The following SOX6 variants were observed in gnomAD, a reference collection of about 807,000 sequenced individuals.
SOX6 encodes SRY-box transcription factor 6, also known as transcription factor SOX-6.
Under a neutral mutation model 97.8 loss-of-function variants are expected in SOX6, and 11 were observed. That is an observed-to-expected ratio of 0.11 (90% CI 0.07 to 0.19). The LOEUF is 0.19. SOX6 is among the 10% of genes least tolerant of loss of function. SOX6 has a pLI of 1.00. For synonymous variants in SOX6, 360 were observed against 371.4 expected (o/e 0.97, Z 0.35); for missense variants, 810 against 1,039.5 (o/e 0.78, Z 3.04).
intron 3 of SOX6, among the ~76,000 whole-genome samples, chr11:16,614,753 C>T (rs1435904882): frequency 6.6e-6 from 1 of 152,136 alleles, no homozygotes; most frequent in Non-Finnish European, 1.5e-5. Flanking sequence ...GAACTGTGCC[C>T]CATGGGTTCC....
At chr11:16,663,666 A>G (rs1323436378) in intron 3 of SOX6, among the ~76,000 whole-genome samples, 1 of 152,224 alleles carries the variant, frequency 6.6e-6, no homozygotes, top group Non-Finnish European at 1.5e-5. Context: ...TAAAAAGTGA[A>G]TTTAGCAAGA....
intron 3 of SOX6, among the ~76,000 whole-genome samples, chr11:16,659,725 C>A (rs963965043): frequency 1.3e-5 from 2 of 152,104 alleles, no homozygotes; most frequent in Middle Eastern, 3.4e-3. Flanking sequence ...TTTCTTTTTT[C>A]ACTGGTAGAA....
At chr11:16,263,798 G>A (rs1296164941) in intron 3 of SOX6, among the ~76,000 whole-genome samples, 1 of 151,758 alleles carries the variant, frequency 6.6e-6, no homozygotes, top group Admixed American at 6.6e-5. Flanking sequence ...ATAGTACAGA[G>A]ATTTCTTACA....
chr11:16,383,704 T>C (rs868163551), intron 1 of SOX6, among the ~76,000 whole-genome samples: 1 of 151,950 alleles, frequency 6.6e-6, no homozygotes, highest in Non-Finnish European at 1.5e-5. Flanking sequence ...TGGCATCACA[T>C]GTAAAAGCAC....
At chr11:16,111,304 G>A (rs1352845925) in intron 7 of SOX6, among the ~76,000 whole-genome samples, 4 of 152,214 alleles carry the variant, frequency 2.6e-5, no homozygotes, top group Middle Eastern at 3.4e-3. Context: ...GAATTAAAAA[G>A]TACTGAATAC....
chr11:16,268,519 G>T (rs1338319516), intron 3 of SOX6, among the ~76,000 whole-genome samples: 1 of 151,040 alleles, frequency 6.6e-6, no homozygotes, highest in Non-Finnish European at 1.5e-5. Flanking sequence ...AGAGAAGACG[G>T]TCATTCTAAT....
intron 1 of SOX6, among the ~76,000 whole-genome samples, chr11:16,455,325 G>A (rs1042154380): frequency 4.0e-5 from 6 of 151,770 alleles, no homozygotes; most frequent in Admixed American, 2.0e-4. Context: ...CTTGTAGTTC[G>A]ACTTGAATAA....
At chr11:16,512,184 A>C (rs926203545) in intron 4 of SOX6, among the ~76,000 whole-genome samples, 1 of 152,188 alleles carries the variant, frequency 6.6e-6, no homozygotes, top group Non-Finnish European at 1.5e-5. Flanking sequence ...ACTAAGGGCT[A>C]TATGTCCCAA....
chr11:16,613,362 C>T lies in SOX6; in HGVS notation n.430-1102G>A, dbSNP rs958815501. On this transcript the variant is annotated intron_variant and non_coding_transcript_variant, in intron 3 of 5. Transcript: ENST00000524520. This position sits in a 1 kb window ranked among gnomAD's most constrained non-coding sequence, Gnocchi z 4.6. ...GGGGGCTTTATTTTTCAGGTCTCTC[C>T]ACTCATAAATTATGGGTGTCACTAA... 6.6e-6 allele frequency: 1 copy of T among 152,228 alleles called. No individual in the cohort carries two copies. Among genetic ancestry groups the T allele is most frequent in the African/African-American group, 2.4e-5 (1 of 41,434 alleles). The allele number at this position is 152,228 out of a possible 1,614,324, so 9.4% of individuals were successfully genotyped here.
intron 5 of SOX6, among the ~76,000 whole-genome samples, chr11:16,185,337 A>G (rs116980447): frequency 2.0e-5 from 3 of 152,306 alleles, no homozygotes; most frequent in Non-Finnish European, 4.4e-5. Context: ...CTGCAGCTCT[A>G]GGTATAGATG....
intron 1 of SOX6, among the ~76,000 whole-genome samples, chr11:16,458,302 T>C (rs1859849943): frequency 6.6e-6 from 1 of 152,052 alleles, no homozygotes; most frequent in African/African-American, 2.4e-5. Context: ...CTCTAAGAGC[T>C]TACAATCTGC....
chr11:16,161,935 C>G (rs58545561), intron 6 of SOX6, among the ~76,000 whole-genome samples: 1,772 of 152,274 alleles, frequency 0.012, 29 homozygotes, highest in African/African-American at 0.04. Flanking sequence ...CTTCCTGGAA[C>G]TATGAAAATA....
chr11:16,630,508 G>A (rs1235997754), intron 3 of SOX6, among the ~76,000 whole-genome samples: 6 of 151,986 alleles, frequency 3.9e-5, no homozygotes, highest in Admixed American at 3.9e-4. Context: ...TTATGGTCAA[G>A]CATGTGGTTG....
chr11:16,191,164 T>C lies in SOX6; in HGVS notation c.536-4209A>G, dbSNP rs531814114. ...TTATGCATTAACTCTATATAGAAAATAGTATATTGGCCAGGCACAGAGGCT... is the reference window on the plus strand; with the variant it reads ...TTATGCATTAACTCTATATAGAAAACAGTATATTGGCCAGGCACAGAGGCT... On this transcript the variant is annotated intron_variant, in intron 4 of 15. Coordinates refer to ENST00000683767, the MANE Select transcript of SOX6 (RefSeq NM_001367873.1). Among the ~76,000 whole-genome samples the C allele has an allele frequency of 9.2e-5, 14 of 152,200 alleles. No individual in the cohort carries two copies. The East Asian group carries it at 2.1e-3, about 23-fold the overall frequency.
At chr11:16,059,955 G>A (rs896929266) in intron 9 of SOX6, among the ~76,000 whole-genome samples, 1 of 151,874 alleles carries the variant, frequency 6.6e-6, no homozygotes, top group African/African-American at 2.4e-5. Flanking sequence ...ATATAGTCCT[G>A]TAGCTGGTAT....
intron 6 of SOX6, among the ~76,000 whole-genome samples, chr11:16,175,535 A>G (rs185668340): frequency 3.9e-5 from 6 of 152,052 alleles, no homozygotes; most frequent in Non-Finnish European, 8.8e-5. Flanking sequence ...TAAATTACAT[A>G]CATTCCGAAA....
intron 3 of SOX6, among the ~76,000 whole-genome samples, chr11:16,700,019 T>A (rs933589937): frequency 1.3e-5 from 2 of 151,928 alleles, no homozygotes; most frequent in East Asian, 3.9e-4. Context: ...GGGAAGCCAT[T>A]TGTTAAATAA....
rs68008241 is a variant in SOX6, at chr11:16,047,701, C to CGTGTGTGT, written c.1436-1008_1436-1001dup. 7.9e-3 allele frequency among the ~76,000 whole-genome samples: 1,147 copies of CGTGTGTGT among 145,992 alleles called. 8 individuals carry two copies. Among genetic ancestry groups the CGTGTGTGT allele is most frequent in the African/African-American group, 0.028 (1,094 of 39,458 alleles). ...GAGGGCTCGTATAATCATTTCATAGCGTGTGTGTGTGTGTGTGTGTGTGTG... is the reference window on the plus strand; with the variant it reads ...GAGGGCTCGTATAATCATTTCATAGCGTGTGTGTGTGTGTGTGTGTGTGTGTGTGTGTG... On this transcript the variant is annotated intron_variant, in intron 11 of 15. Coordinates refer to ENST00000683767, the MANE Select transcript of SOX6 (RefSeq NM_001367873.1).
rs988889664 is a variant in SOX6 at position 16,610,961 on chromosome 11, A to C, written n.609+1120T>G. Among the ~76,000 whole-genome samples, 1 of 152,124 alleles carries C rather than the reference A, an allele frequency of 6.6e-6. No homozygotes were observed. On this transcript the variant is annotated intron_variant and non_coding_transcript_variant, in intron 4 of 5. Transcript: ENST00000524520. This position sits in a 1 kb window ranked among gnomAD's most constrained non-coding sequence, Gnocchi z 4.4. Reference sequence around the variant, plus strand: ...CACATCCCCTGGGGGTTGGAGCCCCACGCGGCGCAAGAACCCCGGGCGCTG... The same window carrying C: ...CACATCCCCTGGGGGTTGGAGCCCCCCGCGGCGCAAGAACCCCGGGCGCTG...
Sources: allele counts gnomAD v4.1 joint callset (sites outside exome capture counted in the v4.1 genomes callset), GRCh38; gene constraint gnomAD v4.1.1; non-coding constraint Gnocchi (gnomAD v3.1); transcripts MANE v1.5; gene names NCBI Gene and HGNC (gene_info 2026-07-23, HGNC 2026-07-21).